AARS1: variants seen among roughly 807,000 people sequenced by gnomAD.
AARS1 encodes alanine--tRNA ligase, cytoplasmic.
AARS1 carries 72 observed loss-of-function variants against 108.9 expected under a neutral mutation model. That is an observed-to-expected ratio of 0.66 (90% CI 0.55 to 0.80). AARS1 has a LOEUF of 0.80. Ranked by LOEUF, AARS1 falls within the 30% of genes least tolerant of loss-of-function variation. AARS1 has a pLI of 0.00. For missense variants in AARS1, 1,193 were observed against 1,233.2 expected, an observed-to-expected ratio of 0.97 and a Z score of 0.49; for synonymous variants, 489 against 465.7, an observed-to-expected ratio of 1.05 and a Z score of -0.64.
chr16:70,285,460 CT>C (rs1013491902), intron 1 of AARS1, among the ~76,000 whole-genome samples: 1 of 150,090 alleles, frequency 6.7e-6, no homozygotes. Context: ...CTTTTTTTTT[CT>C]TTTTTGAGAC....
intron 10 of AARS1, 116 bp from the exon 11 acceptor site, chr16:70,265,218 C>G: frequency 2.3e-6 from 3 of 1,320,574 alleles, no homozygotes; most frequent in Non-Finnish European, 3.2e-6. Flanking sequence ...GTTTTTCAAT[C>G]CTGGCACTAC....
intron 1 of AARS1, among the ~76,000 whole-genome samples, chr16:70,283,056 T>C (rs1295139421): frequency 6.6e-6 from 1 of 152,072 alleles, no homozygotes; most frequent in African/African-American, 2.4e-5. Flanking sequence ...ATTAAACAAA[T>C]ATGTATCGAG....
chr16:70,253,269 T>C lies in AARS1; in HGVS notation c.2720A>G (p.Gln907Arg), dbSNP rs545026332. 5.0e-6 allele frequency: 8 copies of C among 1,611,408 alleles called. No individual in the cohort carries two copies. In the East Asian group the frequency reaches 1.6e-4, roughly 31 times the overall value. Residue 907 changes from glutamine to arginine, a missense_variant and splice_region_variant, in exon 20 of 21, where the codon CAG becomes CGG. Gln to Arg is a conservative substitution (Grantham distance 43, BLOSUM62 1). Coordinates refer to ENST00000261772, the MANE Select transcript of AARS1 (RefSeq NM_001605.3). ...GKITCLCQVP[Q>R]NAANRGLKAS... ...CCACTGGTGCGAGGTGGTGCTGACCTGGGGAACTTGACACAGGCACGTGAT... is the reference window on the plus strand; with the variant it reads ...CCACTGGTGCGAGGTGGTGCTGACCCGGGGAACTTGACACAGGCACGTGAT...
In AARS1 at chr16:70,253,043, G is replaced by C; in HGVS notation, c.2722-137C>G. On this transcript the variant is annotated intron_variant, in intron 20 of 20. Transcript: ENST00000261772. Reference sequence around the variant, plus strand: ...TGCTGGAGGCCGAGACAGACTTTACGGCTGGTACAGGGGGCGGCCATGGCC... The same window carrying C: ...TGCTGGAGGCCGAGACAGACTTTACCGCTGGTACAGGGGGCGGCCATGGCC... 4 of 1,076,126 alleles carry C rather than the reference G, an allele frequency of 3.7e-6. No individual in the cohort carries two copies. Among genetic ancestry groups the C allele is most frequent in the Non-Finnish European group, 5.6e-6 (4 of 720,554 alleles). 66.7% of individuals were successfully genotyped at this position (1,076,126 alleles called of 1,614,324 possible).
chr16:70,252,531 G>A lies in AARS1; in HGVS notation c.*190C>T. The A allele has an allele frequency of 1.6e-6, 1 of 633,362 alleles. No individual in the cohort carries two copies. Among genetic ancestry groups the A allele is most frequent in the South Asian group, 1.9e-5 (1 of 53,878 alleles). The allele number at this position is 633,362 out of a possible 1,614,324, so 39.2% of individuals were successfully genotyped here. On this transcript the variant is annotated 3_prime_UTR_variant, in exon 21 of 21. Transcript: ENST00000261772. ...GCGGGGTTAGTGGTTCTAGACCGATGGCACTGACGTGGAGGGCTCAGGGCA... is the reference window on the plus strand; with the variant it reads ...GCGGGGTTAGTGGTTCTAGACCGATAGCACTGACGTGGAGGGCTCAGGGCA...
chr16:70,254,384 C>T (rs963299324), intron 17 of AARS1: 2 of 592,194 alleles, frequency 3.4e-6, no homozygotes, highest in African/African-American at 1.8e-5. Context: ...CACCCCAGTG[C>T]CCATACATGC....
chr16:70,278,946 T>G (rs112129984), intron 2 of AARS1, among the ~76,000 whole-genome samples: 3 of 152,168 alleles, frequency 2.0e-5, no homozygotes, highest in African/African-American at 7.2e-5. Flanking sequence ...AGTGCCTCAG[T>G]AGGGATGGCA....
intron 16 of AARS1, 145 bp downstream of exon 16, chr16:70,255,583 G>C (rs558808784): frequency 2.7e-6 from 2 of 732,826 alleles, no homozygotes; most frequent in Admixed American, 4.0e-5. Context: ...CTCAGGGGTA[G>C]GACACTGGGG....
intron 7 of AARS1, among the ~76,000 whole-genome samples, chr16:70,269,143 G>GC (rs1481034619): frequency 6.6e-6 from 1 of 151,814 alleles, no homozygotes; most frequent in Non-Finnish European, 1.5e-5. Flanking sequence ...GACCAACATG[G>GC]AAGGAACCCC....
chr16:70,289,445 C>A lies in AARS1; in HGVS notation c.-46G>T. 2.4e-6 allele frequency: 1 copy of A among 410,606 alleles called. No homozygotes were observed. Among genetic ancestry groups the A allele is most frequent in the Admixed American group, 2.5e-5 (1 of 39,264 alleles). The allele number at this position is 410,606 out of a possible 1,614,324, so 25.4% of individuals were successfully genotyped here. A position where few individuals can be genotyped will look rare whatever the true frequency, so the allele number is the denominator to read the frequency against. The stretch of plus-strand genomic sequence containing the variant: ...CCTCTCCTAGGGTCGCCGTCCCCAG[C>A]TCCTCCCTCAGAGTCCCCCGCCAAG... On this transcript the variant is annotated 5_prime_UTR_variant, in exon 1 of 21. Coordinates refer to ENST00000261772, the MANE Select transcript of AARS1 (RefSeq NM_001605.3).
intron 16 of AARS1, 23 bp from the exon 17 acceptor site, chr16:70,254,757 C>T: frequency 6.6e-7 from 1 of 1,519,478 alleles, no homozygotes; most frequent in Non-Finnish European, 9.1e-7. Flanking sequence ...ACCGGGTCAA[C>T]CCCAAGCAGG....
chr16:70,253,650 G>A, intron 19 of AARS1, 64 bp downstream of exon 19: 1 of 1,559,622 alleles, frequency 6.4e-7, no homozygotes, highest in East Asian at 2.2e-5. Context: ...AGCCACAGAG[G>A]CCACATGTCA....
chr16:70,259,751 G>T (rs1469880577), intron 13 of AARS1, among the ~76,000 whole-genome samples: 1 of 151,596 alleles, frequency 6.6e-6, no homozygotes, highest in Non-Finnish European at 1.5e-5. Flanking sequence ...CTCCCCAAAT[G>T]TATGTGTTTA....
rs543552388 is a variant in AARS1, at chr16:70,270,295, G to T, written c.717C>A (p.Asp239Glu). 6.2e-7 allele frequency: 1 copy of T among 1,614,132 alleles called. No individual in the cohort carries two copies. Among genetic ancestry groups the T allele is most frequent in the East Asian group, 2.2e-5 (1 of 44,880 alleles). ...CCAGTCGTTCCAGGCCCATCCCTGT[G>T]TCAATGCTTTTCTTGGGAAGAGGTT... ...ILKPLPKKSIDTGMGLERLVS... is the reference protein window; with the variant it reads ...ILKPLPKKSIETGMGLERLVS... Residue 239 changes from aspartate to glutamate, a missense_variant, in exon 6 of 21, where the codon GAC (aspartate) becomes GAA (glutamate). Asp to Glu is a conservative substitution (Grantham distance 45, BLOSUM62 2). Transcript: ENST00000261772.
At chr16:70,282,564 G>T (rs1960727190) in intron 2 of AARS1, 56 bp downstream of exon 2, 2 of 1,604,468 alleles carry the variant, frequency 1.2e-6, no homozygotes, top group East Asian at 4.5e-5. Flanking sequence ...GCTTTTATCT[G>T]GGCTCTGCTG....
chr16:70,260,692 T>A (rs1960111663), intron 13 of AARS1, among the ~76,000 whole-genome samples: 1 of 151,318 alleles, frequency 6.6e-6, no homozygotes, highest in Admixed American at 6.6e-5. Flanking sequence ...AGGCGGAGTC[T>A]CGCTCTGTTG....
intron 1 of AARS1, among the ~76,000 whole-genome samples, chr16:70,286,079 G>C (rs1204611690): frequency 6.6e-6 from 1 of 152,094 alleles, no homozygotes; most frequent in Admixed American, 6.6e-5. Context: ...TTGTGTAAAA[G>C]GACTGAATAT....
At position 70,252,657 on chromosome 16, in the gene AARS1, T is replaced by C; in HGVS notation, c.*64A>G. On this transcript the variant is annotated 3_prime_UTR_variant, in exon 21 of 21. Coordinates refer to ENST00000261772, the MANE Select transcript of AARS1 (RefSeq NM_001605.3). ...TAAAGGTCCCAAGATTCAAATGTTC[T>C]TGTAGCAGATGAAGAGCTCTTGGCT... The C allele has an allele frequency of 1.3e-6, 2 of 1,571,324 alleles. No individual in the cohort carries two copies. Among genetic ancestry groups the C allele is most frequent in the East Asian group, 2.2e-5 (1 of 44,702 alleles).
chr16:70,284,835 T>C (rs1247401466), intron 1 of AARS1, among the ~76,000 whole-genome samples: 9 of 152,180 alleles, frequency 5.9e-5, no homozygotes, highest in Non-Finnish European at 1.2e-4. Flanking sequence ...TTTGCCTGAG[T>C]TCAGTTCCTT....
Sources: gnomAD v4.1 joint callset for allele counts (sites outside exome capture counted in the v4.1 genomes callset) on GRCh38, gnomAD v4.1.1 for gene constraint, MANE v1.5 for transcripts, NCBI Gene and HGNC (gene_info 2026-07-23, HGNC 2026-07-21) for gene names.